AGAP1: variants seen among roughly 807,000 people sequenced by gnomAD.
The protein encoded by AGAP1 is ArfGAP with GTPase domain, ankyrin repeat and PH domain 1.
AGAP1 carries 29 observed loss-of-function variants against 105.3 expected under a neutral mutation model. That is an observed-to-expected ratio of 0.28 (90% CI 0.21 to 0.38). The LOEUF is 0.38. AGAP1 is among the 10% of genes least tolerant of loss of function. The probability of loss-of-function intolerance (pLI) is 1.00; values close to 1 mark genes in which losing one functional copy is unlikely to be tolerated. For missense variants in AGAP1, 998 were observed against 1,165.1 expected, an observed-to-expected ratio of 0.86 and a Z score of 2.09; for synonymous variants, 509 against 485.9, an observed-to-expected ratio of 1.05 and a Z score of -0.63.
At chr2:235,575,639 G>A (rs1388853502) in intron 1 of AGAP1, among the ~76,000 whole-genome samples, 2 of 152,240 alleles carry the variant, frequency 1.3e-5, no homozygotes, top group African/African-American at 4.8e-5. Flanking sequence ...ACTCAGACAT[G>A]CGCCCTGGGC....
chr2:236,089,993 A>T lies in AGAP1; in HGVS notation c.2115-30199A>T, dbSNP rs897734099. Among the ~76,000 whole-genome samples the T allele has an allele frequency of 1.3e-5, 2 of 152,066 alleles. No homozygotes were observed. Among genetic ancestry groups the T allele is most frequent in the African/African-American group, 4.8e-5 (2 of 41,400 alleles). ...TATTATAAATCAACCTTATGCCTGT[A>T]CAGCAGCTCCCTGGCTGCAAATGAA... On this transcript the variant is annotated intron_variant, in intron 16 of 17. Coordinates refer to ENST00000304032, the MANE Select transcript of AGAP1 (RefSeq NM_001037131.3). This position sits in a 1 kb window ranked among gnomAD's most constrained non-coding sequence, Gnocchi z 5.6.
At position 236,020,149 on chromosome 2, in the gene AGAP1, C is replaced by G. The variant is rs2056839195; in HGVS notation, c.1646-16412C>G. 1.3e-5 allele frequency among the ~76,000 whole-genome samples: 2 copies of G among 152,174 alleles called. No individual in the cohort carries two copies. The highest frequency in any genetic ancestry group is 4.1e-4 in the South Asian group (2 of 4,832). Reference sequence around the variant, plus strand: ...GTACCTCAGTTTCCCCACCTATAAACTGGGGTGATGACACCCACTGCACAG... The same window carrying G: ...GTACCTCAGTTTCCCCACCTATAAAGTGGGGTGATGACACCCACTGCACAG... On this transcript the variant is annotated intron_variant, in intron 13 of 17. Coordinates refer to ENST00000304032, the MANE Select transcript of AGAP1 (RefSeq NM_001037131.3). The surrounding 1 kb of genome is among the most constrained non-coding windows in gnomAD (Gnocchi z 5.0).
At position 235,842,071 on chromosome 2, in the gene AGAP1, A is replaced by G. The variant is rs1960922107; in HGVS notation, c.1050+34740A>G. 6.6e-6 allele frequency among the ~76,000 whole-genome samples: 1 copy of G among 152,026 alleles called. No homozygotes were observed. The highest frequency in any genetic ancestry group is 2.1e-4 in the South Asian group (1 of 4,794). ...CTGCGGGATGTCGCTCATGTGGAGGAGGGCCTCTCGTTGGAAGCCCAGGCT... is the reference window on the plus strand; with the variant it reads ...CTGCGGGATGTCGCTCATGTGGAGGGGGGCCTCTCGTTGGAAGCCCAGGCT... On this transcript the variant is annotated intron_variant, in intron 9 of 17. Coordinates refer to ENST00000304032, the MANE Select transcript of AGAP1 (RefSeq NM_001037131.3). This position sits in a 1 kb window ranked among gnomAD's most constrained non-coding sequence, Gnocchi z 5.3.
intron 1 of AGAP1, among the ~76,000 whole-genome samples, chr2:235,702,934 G>GTGTTTTTTTTTTTTTT (rs1553609552): frequency 4.5e-5 from 4 of 88,946 alleles, no homozygotes; most frequent in Non-Finnish European, 8.8e-5. Flanking sequence ...AGTTTTCTTG[G>GTGTTTTTTTTTTTTTT]TTTTTTTTTT....
Position 235,961,494 on chromosome 2 carries a change from G to A in AGAP1, c.1484-6968G>A, listed in dbSNP as rs2054184640. ...TTGGTGGGATGTGAGCGGGACTGGAGTGAGGCCAGCCGTGGACAGCAGTGC... is the reference window on the plus strand; with the variant it reads ...TTGGTGGGATGTGAGCGGGACTGGAATGAGGCCAGCCGTGGACAGCAGTGC... On this transcript the variant is annotated intron_variant, in intron 12 of 17. Transcript: ENST00000304032. This position sits in a 1 kb window ranked among gnomAD's most constrained non-coding sequence, Gnocchi z 5.9. Among the ~76,000 whole-genome samples the A allele has an allele frequency of 6.6e-6, 1 of 152,244 alleles. No individual in the cohort carries two copies. Among genetic ancestry groups the A allele is most frequent in the African/African-American group, 2.4e-5 (1 of 41,474 alleles).
intron 16 of AGAP1, among the ~76,000 whole-genome samples, chr2:236,081,338 T>C (rs2058775759): frequency 6.6e-6 from 1 of 152,178 alleles, no homozygotes; most frequent in South Asian, 2.1e-4. Context: ...CTTGCCATAC[T>C]GACCCCCCAG....
rs1199470271 is a variant in AGAP1, at chr2:235,882,467, TC to T, written c.1051-872del. 6 of 1,572,654 alleles carry T rather than the reference TC, an allele frequency of 3.8e-6. No individual in the cohort carries two copies. Among genetic ancestry groups the T allele is most frequent in the South Asian group, 1.1e-5 (1 of 89,818 alleles). On this transcript the variant is annotated intron_variant, in intron 9 of 17. Coordinates refer to ENST00000304032, the MANE Select transcript of AGAP1 (RefSeq NM_001037131.3). This position sits in a 1 kb window ranked among gnomAD's most constrained non-coding sequence, Gnocchi z 4.6. ...GCTTGGCCCTATTGAAGCTGGCGAT[TC>T]CCCCCACGTCTGGTTTGTCTGCCAT...
At position 235,655,916 on chromosome 2, in the gene AGAP1, G is replaced by C. The variant is rs11883444; in HGVS notation, c.164-53263G>C. Among the ~76,000 whole-genome samples the C allele has an allele frequency of 0.016, 2,476 of 152,284 alleles. 64 individuals carry two copies. The highest frequency in any genetic ancestry group is 0.054 in the African/African-American group (2,227 of 41,534). On this transcript the variant is annotated intron_variant, in intron 1 of 17. Transcript: ENST00000304032. This position sits in a 1 kb window ranked among gnomAD's most constrained non-coding sequence, Gnocchi z 4.3. ...GGGTTTTGTATGGAAAAGGGAGGGG[G>C]CAGTGCAGGATGTGGCAAGGCAGTT... is the stretch of plus-strand genomic sequence containing the variant.
In AGAP1 at chr2:235,744,550, G is replaced by T; in HGVS notation, c.397-148G>T. The T allele has an allele frequency of 1.1e-6, 1 of 936,536 alleles. No individual in the cohort carries two copies. Among genetic ancestry groups the T allele is most frequent in the Non-Finnish European group, 1.7e-6 (1 of 598,370 alleles). The allele number at this position is 936,536 out of a possible 1,614,324, so 58.0% of individuals were successfully genotyped here. A position where few individuals can be genotyped will look rare whatever the true frequency, so the allele number is the denominator to read the frequency against. On this transcript the variant is annotated intron_variant, in intron 4 of 17. Coordinates refer to ENST00000304032, the MANE Select transcript of AGAP1 (RefSeq NM_001037131.3). The surrounding 1 kb of genome is among the most constrained non-coding windows in gnomAD (Gnocchi z 5.2). ...GAGGACGTGGATGCCGTGACAGTGT[G>T]TAAAAGTGACAGTCAAAAGTCAAGC...
chr2:236,057,956 G>A (rs1393108297), intron 16 of AGAP1, among the ~76,000 whole-genome samples: 1 of 152,122 alleles, frequency 6.6e-6, no homozygotes, highest in Admixed American at 6.5e-5. Context: ...CCTCCCCGGG[G>A]GTTGTGGAGG....
chr2:235,909,770 C>G (rs973879012), intron 11 of AGAP1, among the ~76,000 whole-genome samples: 2 of 152,178 alleles, frequency 1.3e-5, no homozygotes, highest in African/African-American at 4.8e-5. Flanking sequence ...CCTATAATCC[C>G]AGCACTTTGG....
intron 1 of AGAP1, among the ~76,000 whole-genome samples, chr2:235,534,657 C>T (rs1038735546): frequency 3.9e-5 from 6 of 152,128 alleles, no homozygotes; most frequent in Non-Finnish European, 7.3e-5. Flanking sequence ...ATAATATATG[C>T]CCAGTGCAAA....
At chr2:235,731,486 A>C (rs1951943527) in intron 3 of AGAP1, among the ~76,000 whole-genome samples, 1 of 152,188 alleles carries the variant, frequency 6.6e-6, no homozygotes, top group Admixed American at 6.5e-5. Flanking sequence ...ATCTTCCAGA[A>C]AGCATGGAAT....
rs79112783 is a variant in AGAP1, at chr2:235,953,721, G to A, written c.1484-14741G>A. Among the ~76,000 whole-genome samples the A allele has an allele frequency of 0.048, 7,292 of 152,192 alleles. 581 individuals are homozygous for A. The highest frequency in any genetic ancestry group is 0.17 in the African/African-American group (6,898 of 41,470). ...CAAAGCAGAAGGATCACTCAAGCTA[G>A]GAGTTTGAGACCAGCCTGGGAGGTA... On this transcript the variant is annotated intron_variant, in intron 12 of 17. Transcript: ENST00000304032. This position sits in a 1 kb window ranked among gnomAD's most constrained non-coding sequence, Gnocchi z 5.2.
Position 235,970,100 on chromosome 2 carries a change from G to A in AGAP1, c.1645+1477G>A, listed in dbSNP as rs1017866392. 1.3e-5 allele frequency among the ~76,000 whole-genome samples: 2 copies of A among 151,758 alleles called. No homozygotes were observed. The highest frequency in any genetic ancestry group is 2.4e-5 in the African/African-American group (1 of 41,286). ...GCCTGTAATCCCAGCTACCTGAGAG[G>A]CTGAGGCAGGAGCATTGATTGAACC... On this transcript the variant is annotated intron_variant, in intron 13 of 17. Transcript: ENST00000304032. The surrounding 1 kb of genome is among the most constrained non-coding windows in gnomAD (Gnocchi z 5.4).
At chr2:235,671,170 G>A in intron 1 of AGAP1, 1 of 1,148,858 alleles carries the variant, frequency 8.7e-7, no homozygotes. Context: ...ACGTGGCCTC[G>A]AGGGATGCGA....
intron 1 of AGAP1, among the ~76,000 whole-genome samples, chr2:235,657,033 A>G (rs1947795937): frequency 1.3e-5 from 2 of 152,204 alleles, no homozygotes; most frequent in African/African-American, 4.8e-5. Context: ...AGTCTAGATA[A>G]GCTGACCCAG....
chr2:236,077,115 A>T (rs1033499507), intron 16 of AGAP1, among the ~76,000 whole-genome samples: 3 of 123,984 alleles, frequency 2.4e-5, no homozygotes. Context: ...GTCTCAAAGA[A>T]AAAAAGAGTA....
intron 1 of AGAP1, among the ~76,000 whole-genome samples, chr2:235,646,270 C>CAAAAAAA (rs3056061): frequency 8.9e-6 from 1 of 112,992 alleles, no homozygotes; most frequent in African/African-American, 3.6e-5. Context: ...ACTCTGTCTC[C>CAAAAAAA]AAAAAAAAAA....
Sources: gnomAD v4.1 joint callset for allele counts (sites outside exome capture counted in the v4.1 genomes callset) on GRCh38, gnomAD v4.1.1 for gene constraint, Gnocchi (gnomAD v3.1) non-coding constraint, MANE v1.5 for transcripts, NCBI Gene and HGNC (gene_info 2026-07-23, HGNC 2026-07-21) for gene names.